PRKN: variants seen among roughly 807,000 people sequenced by gnomAD.
PRKN encodes parkin RBR E3 ubiquitin protein ligase.
A neutral mutation model predicts 59.5 loss-of-function variants in PRKN; 56 were observed. The ratio of observed to expected loss-of-function variants is 0.94; its 90% CI spans 0.76 to 1.18. PRKN has a LOEUF of 1.18. Among genes scored for constraint, PRKN ranks in the 50% most tolerant of loss-of-function variants. PRKN has a pLI of 0.00. For missense variants in PRKN, 657 were observed against 596.4 expected, an observed-to-expected ratio of 1.10 and a Z score of -1.06; for synonymous variants, 250 against 222.1, an observed-to-expected ratio of 1.13 and a Z score of -1.12.
intron 4 of PRKN, among the ~76,000 whole-genome samples, chr6:162,099,187 C>T (rs1332037414): frequency 6.6e-6 from 1 of 152,152 alleles, no homozygotes; most frequent in African/African-American, 2.4e-5. Context: ...CCCATGGAAT[C>T]ACCTCTGGCC....
Position 161,549,132 on chromosome 6 carries a change from G to A in PRKN, c.934-129C>T. ...TAAAATAATGCATGTGTGTGTGTGT[G>A]TGTGTGTGTAGGGGGAGGGAGAGGG... is the stretch of plus-strand genomic sequence containing the variant. On this transcript the variant is annotated intron_variant, in intron 8 of 11. Transcript: ENST00000366898. The surrounding 1 kb of genome is among the most constrained non-coding windows in gnomAD (Gnocchi z 6.0). The A allele has an allele frequency of 1.0e-6, 1 of 970,574 alleles. No individual in the cohort carries two copies. Among genetic ancestry groups the A allele is most frequent in the Non-Finnish European group, 1.6e-6 (1 of 619,536 alleles). 60.1% of individuals were successfully genotyped at this position (970,574 alleles called of 1,614,324 possible).
chr6:161,965,449 G>C (rs553764660), intron 6 of PRKN, among the ~76,000 whole-genome samples: 53 of 152,090 alleles, frequency 3.5e-4, no homozygotes, highest in African/African-American at 1.3e-3. Context: ...TTCAGCTTTG[G>C]AAACTAAGGA....
chr6:161,796,432 GC>G (rs1371015809), intron 6 of PRKN, among the ~76,000 whole-genome samples: 2 of 152,194 alleles, frequency 1.3e-5, no homozygotes, highest in African/African-American at 4.8e-5. Flanking sequence ...GTTTACCCTA[GC>G]TTTCTTGCCG....
At chr6:161,501,078 A>C (rs1257640198) in intron 9 of PRKN, among the ~76,000 whole-genome samples, 1 of 151,666 alleles carries the variant, frequency 6.6e-6, no homozygotes. Context: ...GTTTCACCAT[A>C]TTGCCAGGCT....
In PRKN at chr6:162,096,328, T is replaced by A. The variant is rs937601820; in HGVS notation, c.535-42154A>T. Among the ~76,000 whole-genome samples, 20 of 152,208 alleles carry A rather than the reference T, an allele frequency of 1.3e-4. 1 individual carries two copies. On this transcript the variant is annotated intron_variant, in intron 4 of 11. Transcript: ENST00000366898. ...ATTCACATCCAATTTTGTGTAGTTTTAAAAGTACAAGCATATAAAAATAGA... is the reference window on the plus strand; with the variant it reads ...ATTCACATCCAATTTTGTGTAGTTTAAAAAGTACAAGCATATAAAAATAGA...
chr6:162,566,523 A>G (rs1182033449), intron 1 of PRKN, among the ~76,000 whole-genome samples: 4 of 152,314 alleles, frequency 2.6e-5, no homozygotes, highest in East Asian at 1.9e-4. Context: ...AATATATTGG[A>G]AAGTCTAGAA....
intron 7 of PRKN, among the ~76,000 whole-genome samples, chr6:161,717,342 T>G (rs1399535277): frequency 1.3e-5 from 2 of 152,130 alleles, no homozygotes; most frequent in Admixed American, 6.5e-5. Flanking sequence ...CTCCCAACAC[T>G]GGTGCATTTC....
intron 7 of PRKN, among the ~76,000 whole-genome samples, chr6:161,747,103 T>C (rs1368919111): frequency 1.3e-5 from 2 of 152,200 alleles, no homozygotes; most frequent in East Asian, 3.8e-4. Flanking sequence ...ATACAAATGC[T>C]TGTTGAGTCA....
rs1167152384 is a variant in PRKN, at chr6:161,466,466, C to T, written c.1084-79589G>A. Among the ~76,000 whole-genome samples the T allele has an allele frequency of 6.6e-6, 1 of 152,120 alleles. No individual in the cohort carries two copies. Among genetic ancestry groups the T allele is most frequent in the East Asian group, 1.9e-4 (1 of 5,182 alleles). Reference sequence around the variant, plus strand: ...GTTTTATCATTTCTCCTCCAGTCAACTAGTTTCTATTTTTGCACTCATCTG... The same window carrying T: ...GTTTTATCATTTCTCCTCCAGTCAATTAGTTTCTATTTTTGCACTCATCTG... On this transcript the variant is annotated intron_variant, in intron 9 of 11. Coordinates refer to ENST00000366898, the MANE Select transcript of PRKN (RefSeq NM_004562.3). This position sits in a 1 kb window ranked among gnomAD's most constrained non-coding sequence, Gnocchi z 5.0.
At chr6:161,965,521 AG>A (rs1421688220) in intron 6 of PRKN, among the ~76,000 whole-genome samples, 1 of 152,064 alleles carries the variant, frequency 6.6e-6, no homozygotes, top group African/African-American at 2.4e-5. Flanking sequence ...CGATGAAAAG[AG>A]TCAAACTCTG....
chr6:161,365,544 A>G (rs946708657), intron 10 of PRKN, among the ~76,000 whole-genome samples: 1 of 152,254 alleles, frequency 6.6e-6, no homozygotes, highest in Non-Finnish European at 1.5e-5. Flanking sequence ...GAGGAATTAC[A>G]AACTGGAAAA....
At chr6:162,495,371 C>T (rs1793010219) in intron 1 of PRKN, among the ~76,000 whole-genome samples, 2 of 152,132 alleles carry the variant, frequency 1.3e-5, no homozygotes, top group Admixed American at 1.3e-4. Flanking sequence ...ACTTTTTGGT[C>T]TTTTTATTTC....
intron 1 of PRKN, among the ~76,000 whole-genome samples, chr6:162,513,263 G>A (rs779959718): frequency 3.9e-5 from 6 of 152,200 alleles, no homozygotes; most frequent in Admixed American, 3.3e-4. Flanking sequence ...CAGATCACTT[G>A]AGGTGAGGAG....
intron 6 of PRKN, among the ~76,000 whole-genome samples, chr6:161,856,589 C>T (rs1793664584): frequency 6.6e-6 from 1 of 151,978 alleles, no homozygotes. Flanking sequence ...ATCGATAAAA[C>T]AGAGTATTCA....
chr6:162,286,368 T>A (rs1781192923), intron 2 of PRKN, among the ~76,000 whole-genome samples: 1 of 152,176 alleles, frequency 6.6e-6, no homozygotes, highest in Non-Finnish European at 1.5e-5. Context: ...CAGAAATCAA[T>A]CATTCCTTTG....
intron 6 of PRKN, among the ~76,000 whole-genome samples, chr6:161,935,290 A>G (rs1779313197): frequency 1.3e-5 from 2 of 152,258 alleles, no homozygotes; most frequent in East Asian, 1.9e-4. Flanking sequence ...TTGGTTGCTC[A>G]CACCTGTAAT....
chr6:161,360,585 C>T lies in PRKN; in HGVS notation c.1168-380G>A, dbSNP rs1784937564. On this transcript the variant is annotated intron_variant, in intron 10 of 11. Coordinates refer to ENST00000366898, the MANE Select transcript of PRKN (RefSeq NM_004562.3). The surrounding 1 kb of genome is among the most constrained non-coding windows in gnomAD (Gnocchi z 5.1). ...TGAAGTGAGGATCTAGTTTTTATTC[C>T]ACATTGAGGATTCGATGGGTGAAAA... Among the ~76,000 whole-genome samples the T allele has an allele frequency of 6.6e-6, 1 of 152,082 alleles. No individual in the cohort carries two copies. Among genetic ancestry groups the T allele is most frequent in the Non-Finnish European group, 1.5e-5 (1 of 68,028 alleles).
At chr6:162,431,630 T>C (rs1228881286) in intron 2 of PRKN, among the ~76,000 whole-genome samples, 2 of 152,178 alleles carry the variant, frequency 1.3e-5, no homozygotes, top group Admixed American at 1.3e-4. Flanking sequence ...ACTCATTTAT[T>C]TAAAGAAACA....
chr6:162,248,239 G>A (rs1284529830), intron 3 of PRKN, among the ~76,000 whole-genome samples: 1 of 152,082 alleles, frequency 6.6e-6, no homozygotes, highest in Non-Finnish European at 1.5e-5. Flanking sequence ...CATTTTATGG[G>A]AAGACCAAGG....
Sources: gnomAD v4.1 joint callset for allele counts (sites outside exome capture counted in the v4.1 genomes callset) on GRCh38, gnomAD v4.1.1 for gene constraint, Gnocchi (gnomAD v3.1) non-coding constraint, MANE v1.5 for transcripts, NCBI Gene and HGNC (gene_info 2026-07-23, HGNC 2026-07-21) for gene names.